The following GUCY2C variants were observed in gnomAD, a reference collection of about 807,000 sequenced individuals.
GUCY2C encodes guanylate cyclase 2C.
A neutral mutation model predicts 131.1 loss-of-function variants in GUCY2C; 118 were observed. The observed-to-expected ratio is 0.90, with a 90% CI of 0.78 to 1.05. The LOEUF (loss-of-function observed/expected upper bound fraction) is 1.05. GUCY2C is among the 50% of genes least tolerant of loss of function. The pLI, the probability that GUCY2C is intolerant of heterozygous loss-of-function variation, is 0.00. For synonymous variants in GUCY2C, 452 were observed against 457.8 expected (o/e 0.99, Z 0.16); for missense variants, 1,161 against 1,304.4 (o/e 0.89, Z 1.69).
At chr12:14,661,685 A>T (rs1947870845) in intron 10 of GUCY2C, among the ~76,000 whole-genome samples, 1 of 152,180 alleles carries the variant, frequency 6.6e-6, no homozygotes, top group Non-Finnish European at 1.5e-5. Context: ...CGCCAACCTC[A>T]GTCTCCCAAA....
At chr12:14,643,360 C>T (rs1014911094) in intron 17 of GUCY2C, among the ~76,000 whole-genome samples, 5 of 152,084 alleles carry the variant, frequency 3.3e-5, no homozygotes, top group African/African-American at 1.2e-4. Context: ...TAGCAAGGGA[C>T]GCATGGATGA....
chr12:14,618,474 C>T (rs1402329106), intron 24 of GUCY2C, among the ~76,000 whole-genome samples: 1 of 152,100 alleles, frequency 6.6e-6, no homozygotes, highest in Admixed American at 6.6e-5. Flanking sequence ...GATTGTGCCA[C>T]TGTGCCAAAG....
Position 14,613,119 on chromosome 12 carries a change from A to T in GUCY2C, c.3220T>A (p.Ter1074LysextTer2). Residue 1074 changes from the stop codon to lysine (K), a stop_lost, in exon 27 of 27, where the codon TAA (stop) becomes AAA (lysine). Transcript: ENST00000261170. This position sits in a 1 kb window ranked among gnomAD's most constrained non-coding sequence, Gnocchi z 4.9. ...GAGTCCTTATACCTCATTTAGGTTT[A>T]AAAATAGGTGCTCTCCTTGTCTGTG... ...NTTDKESTYF[*>K] is the part of the protein sequence containing the mutation. 6.2e-7 allele frequency: 1 copy of T among 1,612,094 alleles called. No homozygotes were observed. The highest frequency in any genetic ancestry group is 1.1e-5 in the South Asian group (1 of 91,052).
At chr12:14,684,208 A>C (rs1948412005) in intron 3 of GUCY2C, among the ~76,000 whole-genome samples, 1 of 152,046 alleles carries the variant, frequency 6.6e-6, no homozygotes, top group Admixed American at 6.5e-5. Context: ...CCTCCCATGA[A>C]CTTCCAAATA....
chr12:14,654,203 A>G (rs1387703644), intron 12 of GUCY2C, among the ~76,000 whole-genome samples: 2 of 152,170 alleles, frequency 1.3e-5, no homozygotes, highest in African/African-American at 2.4e-5. Flanking sequence ...TTGGTCTGAT[A>G]TTCTGACCCT....
chr12:14,619,768 T>C (rs1203208882), intron 23 of GUCY2C: 5 of 153,826 alleles, frequency 3.3e-5, no homozygotes, highest in Non-Finnish European at 7.2e-5. Context: ...GCCATGACAA[T>C]GGAAGACAGA....
At chr12:14,647,464 T>C (rs970808182) in intron 15 of GUCY2C, among the ~76,000 whole-genome samples, 47 of 152,160 alleles carry the variant, frequency 3.1e-4, no homozygotes, top group Admixed American at 5.2e-4. Flanking sequence ...GTAAATCGGC[T>C]CTCTGTTAGC....
intron 24 of GUCY2C, among the ~76,000 whole-genome samples, chr12:14,618,208 C>T (rs182624087): frequency 3.9e-5 from 6 of 152,294 alleles, no homozygotes; most frequent in Admixed American, 3.3e-4. Flanking sequence ...TTTTTCTTTA[C>T]TAAAATCAAT....
intron 25 of GUCY2C, 29 bp from the exon 26 acceptor site, chr12:14,614,972 G>C (rs111793441): frequency 8.4e-7 from 1 of 1,196,716 alleles, no homozygotes; most frequent in East Asian, 2.5e-5. Flanking sequence ...TACGTACCAC[G>C]GAGTCCAAGG....
In GUCY2C at chr12:14,687,990, A is replaced by G. The variant is rs140539667; in HGVS notation, c.291T>C (p.Ser97=). The change falls in exon 2 of 27, where the codon AGT becomes AGC. Residue 97 remains serine (S), a synonymous_variant. Coordinates refer to ENST00000261170, the MANE Select transcript of GUCY2C (RefSeq NM_004963.4). ...GLIHNSGDCR[S]STCEGLDLLR... ...GTAGGTCGAGGCCTTCACAGGTGCTACTCCGGCAGTCGCCTGAGTTATGAA... is the reference window on the plus strand; with the variant it reads ...GTAGGTCGAGGCCTTCACAGGTGCTGCTCCGGCAGTCGCCTGAGTTATGAA... 235 of 1,613,568 alleles carry G rather than the reference A, an allele frequency of 1.5e-4. 2 individuals carry two copies. Among genetic ancestry groups the G allele is most frequent in the Non-Finnish European group, 1.9e-5 (22 of 1,179,606 alleles).
intron 23 of GUCY2C, among the ~76,000 whole-genome samples, chr12:14,620,812 T>C (rs993620600): frequency 1.3e-5 from 2 of 152,170 alleles, no homozygotes; most frequent in African/African-American, 4.8e-5. Context: ...TGTTTGGTGT[T>C]TATCATGTCA....
chr12:14,682,643 T>C (rs1948371547), intron 4 of GUCY2C, among the ~76,000 whole-genome samples: 1 of 152,200 alleles, frequency 6.6e-6, no homozygotes, highest in Non-Finnish European at 1.5e-5. Context: ...TCTAACTAAT[T>C]GTAGGTATAG....
At chr12:14,638,625 C>T (rs1411026397) in intron 19 of GUCY2C, among the ~76,000 whole-genome samples, 2 of 152,150 alleles carry the variant, frequency 1.3e-5, no homozygotes, top group Non-Finnish European at 2.9e-5. Flanking sequence ...ACAAATATCA[C>T]ATGTTCTCAC....
At chr12:14,646,811 A>G (rs1194528490) in intron 15 of GUCY2C, among the ~76,000 whole-genome samples, 1 of 152,160 alleles carries the variant, frequency 6.6e-6, no homozygotes. Flanking sequence ...TAGAGCAGGG[A>G]CTGTGTTAGT....
intron 24 of GUCY2C, among the ~76,000 whole-genome samples, chr12:14,617,541 C>T (rs905462764): frequency 2.6e-5 from 4 of 152,226 alleles, no homozygotes; most frequent in East Asian, 3.9e-4. Flanking sequence ...GGTGAAGATT[C>T]GGGAGAGTTG....
intron 24 of GUCY2C, among the ~76,000 whole-genome samples, chr12:14,616,972 CG>C (rs1946776898): frequency 6.6e-6 from 1 of 152,160 alleles, no homozygotes; most frequent in South Asian, 2.1e-4. Context: ...TCCTGGCCCC[CG>C]ACCAGGTGTC....
intron 19 of GUCY2C, among the ~76,000 whole-genome samples, chr12:14,635,737 G>T (rs970143324): frequency 2.6e-4 from 39 of 151,354 alleles, no homozygotes; most frequent in African/African-American, 9.5e-4. Flanking sequence ...AATGAGAGAA[G>T]ATCCAAATAA....
chr12:14,687,169 C>A (rs1948487580), intron 2 of GUCY2C, among the ~76,000 whole-genome samples: 1 of 152,306 alleles, frequency 6.6e-6, no homozygotes, highest in South Asian at 2.1e-4. Flanking sequence ...GTGGCAGATT[C>A]AACGCTTAAG....
chr12:14,688,770 T>C (rs1390320906), intron 1 of GUCY2C, among the ~76,000 whole-genome samples: 1 of 152,208 alleles, frequency 6.6e-6, no homozygotes, highest in Non-Finnish European at 1.5e-5. Context: ...AGCTGGGACC[T>C]GCGTGAAGAC....
Sources: gnomAD v4.1 joint callset for allele counts (sites outside exome capture counted in the v4.1 genomes callset) on GRCh38, gnomAD v4.1.1 for gene constraint, Gnocchi (gnomAD v3.1) non-coding constraint, MANE v1.5 for transcripts, NCBI Gene and HGNC (gene_info 2026-07-23, HGNC 2026-07-21) for gene names.